Variants in CCL26 observed in about 807,000 individuals in gnomAD.
The protein encoded by CCL26 is C-C motif chemokine 26.
In CCL26, 10 loss-of-function variants were observed where a neutral mutation model predicts 10.7. The observed-to-expected ratio is 0.93, with a 90% CI of 0.57 to 1.58. The LOEUF is 1.58. Ranked by LOEUF, CCL26 falls within the 40% of genes most tolerant of loss-of-function variation. The pLI is 0.00. For missense variants in CCL26, 116 were observed against 111.0 expected (o/e 1.05, Z -0.20); for synonymous variants, 43 against 41.4 (o/e 1.04, Z -0.15).
Position 75,785,807 on chromosome 7 carries a change from C to T in CCL26, c.-79+3910G>A, listed in dbSNP as rs113177515. Among the ~76,000 whole-genome samples the T allele has an allele frequency of 7.7e-3, 1,178 of 152,272 alleles. 13 individuals are homozygous for T. The highest frequency in any genetic ancestry group is 0.027 in the African/African-American group (1,134 of 41,554). ...CCACTCTAGCTCTCCCTGACTCATC[C>T]CAACCCTTTTCATTACACACAGCCA... On this transcript the variant is annotated intron_variant, in intron 1 of 3. Transcript: ENST00000394905.
chr7:75,776,492 G>A (rs1802942098), upstream of CCL26, among the ~76,000 whole-genome samples: 1 of 149,436 alleles, frequency 6.7e-6, no homozygotes, highest in African/African-American at 2.5e-5. Context: ...AGTGAGCTAC[G>A]ATTGCATCAC....
chr7:75,783,165 G>GT (rs1425752232), intron 1 of CCL26, among the ~76,000 whole-genome samples: 2 of 152,188 alleles, frequency 1.3e-5, no homozygotes, highest in African/African-American at 4.8e-5. Flanking sequence ...ATCAGCCAGT[G>GT]TTTAGGCTCT....
chr7:75,784,742 A>C (rs914663476), intron 1 of CCL26, among the ~76,000 whole-genome samples: 19 of 151,772 alleles, frequency 1.3e-4, no homozygotes, highest in Non-Finnish European at 2.5e-4. Context: ...TTACAGCCAC[A>C]CCTCATTGCC....
chr7:75,779,258 A>G (rs1803008568), intron 1 of CCL26, among the ~76,000 whole-genome samples: 1 of 152,044 alleles, frequency 6.6e-6, no homozygotes, highest in Non-Finnish European at 1.5e-5. Context: ...AAAAAGCTTT[A>G]TTGCTCACAC....
intron 2 of CCL26, among the ~76,000 whole-genome samples, chr7:75,771,687 G>C (rs1021086133): frequency 2.0e-5 from 3 of 152,176 alleles, no homozygotes; most frequent in Admixed American, 2.0e-4. Context: ...TTGCACTCTA[G>C]CCTGGGCAAC....
At chr7:75,779,421 C>G (rs530649210) in intron 1 of CCL26, among the ~76,000 whole-genome samples, 1 of 152,208 alleles carries the variant, frequency 6.6e-6, no homozygotes, top group Non-Finnish European at 1.5e-5. Flanking sequence ...CTCAGACCGA[C>G]CAGCCCAAGG....
chr7:75,780,321 C>T (rs573746417), intron 1 of CCL26, among the ~76,000 whole-genome samples: 1 of 152,130 alleles, frequency 6.6e-6, no homozygotes, highest in East Asian at 1.9e-4. Flanking sequence ...ACTTTTCTCT[C>T]TGTGTCTCTA....
chr7:75,774,854 A>G (rs1802900512), upstream of CCL26, among the ~76,000 whole-genome samples: 1 of 152,066 alleles, frequency 6.6e-6, no homozygotes, highest in African/African-American at 2.4e-5. Context: ...CAGGAGTTCA[A>G]GGCTGCAGTG....
At chr7:75,775,559 G>A (rs188911772), upstream of CCL26, among the ~76,000 whole-genome samples, 64 of 152,250 alleles carry the variant, frequency 4.2e-4, no homozygotes, top group Admixed American at 2.2e-3. Flanking sequence ...AGCCTGTGCA[G>A]GGCAGACCTC....
chr7:75,790,755 C>A (rs1554530726), upstream of CCL26, among the ~76,000 whole-genome samples: 1 of 151,866 alleles, frequency 6.6e-6, no homozygotes, highest in Non-Finnish European at 1.5e-5. Flanking sequence ...ACCAACCTGG[C>A]CAATGTGGTG....
At position 75,772,170 on chromosome 7, in the gene CCL26, C is replaced by T. The variant is rs1251823921; in HGVS notation, c.7G>A (p.Gly3Ser). Reference sequence around the variant, plus strand: ...AGCACAGCAGAGGCCAAGGAGAGGCCCATCATGATGCTGCAAATCAGGCCC... The same window carrying T: ...AGCACAGCAGAGGCCAAGGAGAGGCTCATCATGATGCTGCAAATCAGGCCC... The part of the protein sequence containing the change: MM[G>S]LSLASAVLLA... The change falls in exon 1 of 3, where the codon GGC (glycine) becomes AGC (serine). Residue 3 changes from glycine to serine, a missense_variant. Transcript: ENST00000005180. The T allele has an allele frequency of 3.2e-6, 5 of 1,551,018 alleles. No homozygotes were observed. Among genetic ancestry groups the T allele is most frequent in the South Asian group, 1.2e-5 (1 of 84,178 alleles).
Position 75,772,206 on chromosome 7 carries a change from T to G in CCL26, c.-30A>C. 2 of 1,496,276 alleles carry G rather than the reference T, an allele frequency of 1.3e-6. No homozygotes were observed. The highest frequency in any genetic ancestry group is 1.8e-6 in the Non-Finnish European group (2 of 1,098,320). 92.7% of individuals were successfully genotyped at this position (1,496,276 alleles called of 1,614,324 possible). ...CTGCAAATCAGGCCCTTCTCAGGTT[T>G]CTCCCAAACTCCTCCTGCCTGATCC... On this transcript the variant is annotated 5_prime_UTR_variant, in exon 1 of 3. Coordinates refer to ENST00000005180, the MANE Select transcript of CCL26 (RefSeq NM_001371938.1).
upstream of CCL26, among the ~76,000 whole-genome samples, chr7:75,774,747 A>AT (rs76359306): frequency 0.29 from 44,427 of 151,026 alleles, 7,150 homozygotes; most frequent in African/African-American, 0.42. Flanking sequence ...CACCCGGCCT[A>AT]TTTTTTTTAA....
chr7:75,787,197 C>A (rs1237881483), intron 1 of CCL26, among the ~76,000 whole-genome samples: 1 of 152,104 alleles, frequency 6.6e-6, no homozygotes, highest in East Asian at 1.9e-4. Context: ...CTCGGTTTGG[C>A]CTTCCCACCT....
At position 75,772,147 on chromosome 7, in the gene CCL26, C is replaced by T. The variant is rs782218250; in HGVS notation, c.30G>A (p.Val10=). MMGLSLASA[V]LLASLLSLHL... is the part of the protein sequence containing the mutation. ...GGAGACTCAGGAGGGAGGCCAGGAG[C>T]ACAGCAGAGGCCAAGGAGAGGCCCA... Residue 10 remains valine (V), a synonymous_variant, in exon 1 of 3, where the codon GTG becomes GTA. Transcript: ENST00000005180. 3.9e-6 allele frequency: 6 copies of T among 1,555,648 alleles called. No individual in the cohort carries two copies. In the African/African-American group the frequency reaches 6.8e-5, roughly 18 times the overall value.
chr7:75,779,589 CA>C (rs1803015281), intron 1 of CCL26, among the ~76,000 whole-genome samples: 1 of 152,204 alleles, frequency 6.6e-6, no homozygotes. Context: ...CTGGTAGAGA[CA>C]AAGGAGATGC....
At position 75,772,000 on chromosome 7, in the gene CCL26, C is replaced by A; in HGVS notation, c.77G>T (p.Gly26Val). 6.2e-7 allele frequency: 1 copy of A among 1,612,986 alleles called. No homozygotes were observed. The highest frequency in any genetic ancestry group is 1.3e-5 in the African/African-American group (1 of 75,032). The change falls in exon 2 of 3, where the codon GGG (glycine) becomes GTG (valine). Residue 26 changes from glycine (G) to valine (V), a missense_variant. Coordinates refer to ENST00000005180, the MANE Select transcript of CCL26 (RefSeq NM_001371938.1). ...GCAGCAGGTCTTGGATATGTCACTC[C>A]CACCTAAAAATCAGGGAGAGGAAGG... is the stretch of plus-strand genomic sequence containing the variant. ...LSLHLGTATR[G>V]SDISKTCCFQ...
Position 75,769,718 on chromosome 7 carries a change from A to G in CCL26, c.260T>C (p.Leu87Ser). The change falls in exon 3 of 3, where the codon TTA becomes TCA. Residue 87 changes from leucine (L) to serine (S), a missense_variant. Coordinates refer to ENST00000005180, the MANE Select transcript of CCL26 (RefSeq NM_001371938.1). The stretch of plus-strand genomic sequence containing the variant: ...TCACAATTGTTTCGGAGTTTTCAGT[A>G]AAGAAATGTATTTTTGCACCCATTT... Reference protein sequence around the residue: ...RKKWVQKYISLLKTPKQL With the variant: ...RKKWVQKYISSLKTPKQL The G allele has an allele frequency of 6.2e-7, 1 of 1,611,854 alleles. No individual in the cohort carries two copies. The highest frequency in any genetic ancestry group is 8.5e-7 in the Non-Finnish European group (1 of 1,177,868).
chr7:75,790,760 G>A (rs1000671810), upstream of CCL26, among the ~76,000 whole-genome samples: 2 of 151,914 alleles, frequency 1.3e-5, no homozygotes, highest in Non-Finnish European at 2.9e-5. Context: ...CCTGGCCAAT[G>A]TGGTGAAATC....
Sources: allele counts gnomAD v4.1 joint callset (sites outside exome capture counted in the v4.1 genomes callset), GRCh38; gene constraint gnomAD v4.1.1; transcripts MANE v1.5; gene names NCBI Gene and HGNC (gene_info 2026-07-23, HGNC 2026-07-21).